CHN2: variants seen among roughly 807,000 people sequenced by gnomAD.
The protein encoded by CHN2 is chimerin 2.
In CHN2, 35 loss-of-function variants were observed where a neutral mutation model predicts 56.3. The ratio of observed to expected loss-of-function variants is 0.62; its 90% CI spans 0.47 to 0.82. The LOEUF (loss-of-function observed/expected upper bound fraction) is 0.82. Ranked by LOEUF, CHN2 falls within the 40% of genes least tolerant of loss-of-function variation. The pLI, the probability that CHN2 is intolerant of heterozygous loss-of-function variation, is 0.00. For synonymous variants in CHN2, 210 were observed against 212.8 expected, an observed-to-expected ratio of 0.99 and a Z score of 0.12; for missense variants, 491 against 580.5, an observed-to-expected ratio of 0.85 and a Z score of 1.58.
chr7:29,409,789 C>G (rs1452887672), intron 6 of CHN2, among the ~76,000 whole-genome samples: 3 of 152,146 alleles, frequency 2.0e-5, no homozygotes. Flanking sequence ...TTGGGGATCC[C>G]CAAACATTGG....
At chr7:29,326,842 A>G (rs1795838824) in intron 1 of CHN2, among the ~76,000 whole-genome samples, 2 of 152,196 alleles carry the variant, frequency 1.3e-5, no homozygotes, top group South Asian at 2.1e-4. Flanking sequence ...ATGAATATGT[A>G]CTGATAATAA....
chr7:29,430,199 G>T (rs1782737691), intron 6 of CHN2, among the ~76,000 whole-genome samples: 1 of 152,202 alleles, frequency 6.6e-6, no homozygotes, highest in South Asian at 2.1e-4. Flanking sequence ...AGATATGGTG[G>T]TTTCAGGATG....
chr7:29,442,929 A>G (rs1026437990), intron 6 of CHN2, among the ~76,000 whole-genome samples: 1 of 111,974 alleles, frequency 8.9e-6, no homozygotes, highest in African/African-American at 4.1e-5. Context: ...AATTTCATTG[A>G]ATTTCTTTTT....
chr7:29,364,002 A>C (rs1386794962), intron 2 of CHN2, among the ~76,000 whole-genome samples: 2 of 152,134 alleles, frequency 1.3e-5, no homozygotes, highest in Non-Finnish European at 2.9e-5. Flanking sequence ...TGAGACCCCC[A>C]TCTCTTAAAA....
intron 1 of CHN2, among the ~76,000 whole-genome samples, chr7:29,325,400 G>A (rs898689896): frequency 6.6e-6 from 1 of 152,142 alleles, no homozygotes; most frequent in African/African-American, 2.4e-5. Context: ...CAATCCAAAG[G>A]CACTCCTCCT....
intron 1 of CHN2, among the ~76,000 whole-genome samples, chr7:29,348,246 G>C (rs961943609): frequency 6.6e-6 from 1 of 152,122 alleles, no homozygotes; most frequent in Non-Finnish European, 1.5e-5. Flanking sequence ...AGAATTCTTT[G>C]TTTTCCCTCA....
chr7:29,302,422 C>T (rs980413281), intron 1 of CHN2, among the ~76,000 whole-genome samples: 29 of 151,656 alleles, frequency 1.9e-4, no homozygotes, highest in African/African-American at 6.8e-4. Flanking sequence ...CTCCTGAGCT[C>T]AAGCGATCCT....
At chr7:29,403,670 G>GAA (rs1015805042) in intron 6 of CHN2, among the ~76,000 whole-genome samples, 5 of 141,562 alleles carry the variant, frequency 3.5e-5, no homozygotes, top group East Asian at 2.1e-4. Context: ...GAGGAAGGCA[G>GAA]AAAAAAAAAA....
intron 1 of CHN2, among the ~76,000 whole-genome samples, chr7:29,219,080 T>G (rs1258054669): frequency 6.6e-6 from 1 of 152,204 alleles, no homozygotes; most frequent in Non-Finnish European, 1.5e-5. Context: ...TTATAAATCC[T>G]GAATCACGAG....
In CHN2 at chr7:29,290,940, C is replaced by T. The variant is rs577465716; in HGVS notation, c.50-63685C>T. Among the ~76,000 whole-genome samples, 4 of 152,234 alleles carry T rather than the reference C, an allele frequency of 2.6e-5. No individual in the cohort carries two copies. The South Asian group carries it at 8.3e-4, about 32-fold the overall frequency. ...AAGCAGGCAACTTGAGAGATTCAAG[C>T]GTGTGGTTAGACCTTTGACTTGGGG... On this transcript the variant is annotated intron_variant, in intron 1 of 12. Transcript: ENST00000222792.
At chr7:29,208,700 A>G (rs894949834) in intron 1 of CHN2, 5 of 152,230 alleles carry the variant, frequency 3.3e-5, no homozygotes, top group Admixed American at 2.6e-4. Flanking sequence ...AACACATATA[A>G]CACATTCACA....
chr7:29,292,421 T>C (rs922946320), intron 1 of CHN2, among the ~76,000 whole-genome samples: 2 of 152,230 alleles, frequency 1.3e-5, no homozygotes, highest in Admixed American at 1.3e-4. Flanking sequence ...CAAGTTAATA[T>C]TTTACAATCT....
chr7:29,437,921 G>A (rs1384559664), intron 6 of CHN2, among the ~76,000 whole-genome samples: 2 of 152,182 alleles, frequency 1.3e-5, no homozygotes, highest in Admixed American at 6.5e-5. Flanking sequence ...AAGAATGGCT[G>A]AAGAGCTTTA....
intron 6 of CHN2, among the ~76,000 whole-genome samples, chr7:29,473,478 T>G (rs1298537914): frequency 1.3e-3 from 146 of 111,538 alleles, no homozygotes; most frequent in South Asian, 3.9e-3. Flanking sequence ...GTGTTTTTTT[T>G]TTTTTGTGTG....
At chr7:29,305,732 G>T (rs912544290) in intron 1 of CHN2, among the ~76,000 whole-genome samples, 1 of 148,876 alleles carries the variant, frequency 6.7e-6, no homozygotes, top group Admixed American at 6.7e-5. Context: ...TTCTGAAAAA[G>T]AATGTGCATC....
At chr7:29,411,527 G>A (rs1803215998) in intron 6 of CHN2, among the ~76,000 whole-genome samples, 1 of 152,154 alleles carries the variant, frequency 6.6e-6, no homozygotes, top group Admixed American at 6.5e-5. Context: ...CCCAGAGGTG[G>A]ATTTGTGATT....
intron 1 of CHN2, among the ~76,000 whole-genome samples, chr7:29,341,022 G>A (rs777046273): frequency 1.8e-4 from 27 of 152,140 alleles, no homozygotes; most frequent in Non-Finnish European, 2.2e-4. Flanking sequence ...GTCTAGCCCC[G>A]TCTCTATATT....
chr7:29,341,018 C>T (rs1797015764), intron 1 of CHN2, among the ~76,000 whole-genome samples: 1 of 152,150 alleles, frequency 6.6e-6, no homozygotes, highest in African/African-American at 2.4e-5. Flanking sequence ...GAGTGTCTAG[C>T]CCCGTCTCTA....
intron 1 of CHN2, among the ~76,000 whole-genome samples, chr7:29,302,667 T>C (rs1793786024): frequency 6.6e-6 from 1 of 152,056 alleles, no homozygotes; most frequent in Non-Finnish European, 1.5e-5. Context: ...TGATGTCCAT[T>C]CACAGTGTTA....
Sources: allele counts gnomAD v4.1 joint callset (sites outside exome capture counted in the v4.1 genomes callset), GRCh38; gene constraint gnomAD v4.1.1; transcripts MANE v1.5; gene names NCBI Gene and HGNC (gene_info 2026-07-23, HGNC 2026-07-21).